Variants in ZWILCH observed in about 807,000 individuals in gnomAD.
ZWILCH encodes the protein protein zwilch homolog.
A neutral mutation model predicts 79.9 loss-of-function variants in ZWILCH; 74 were observed. That is an observed-to-expected ratio of 0.93 (90% CI 0.77 to 1.12). ZWILCH has a LOEUF of 1.12. Among genes scored for constraint, ZWILCH ranks in the 50% most tolerant of loss-of-function variants. The pLI, the probability that ZWILCH is intolerant of heterozygous loss-of-function variation, is 0.00. For missense variants in ZWILCH, 694 were observed against 687.5 expected (o/e 1.01, Z -0.11); for synonymous variants, 241 against 228.2 (o/e 1.06, Z -0.51).
At chr15:66,520,513 G>C in intron 5 of ZWILCH, 77 bp from the exon 6 acceptor site, 1 of 733,748 alleles carries the variant, frequency 1.4e-6, no homozygotes, top group East Asian at 2.7e-5. Context: ...TTGAGAATGT[G>C]AGGGATTACA....
intron 2 of ZWILCH, among the ~76,000 whole-genome samples, chr15:66,509,684 A>C (rs1003224996): frequency 1.3e-5 from 2 of 151,616 alleles, no homozygotes; most frequent in Non-Finnish European, 2.9e-5. Context: ...AACTCTCCAT[A>C]CTTGGGGAGA....
intron 5 of ZWILCH, among the ~76,000 whole-genome samples, chr15:66,520,145 G>A (rs778984338): frequency 1.4e-4 from 21 of 151,782 alleles, no homozygotes; most frequent in Non-Finnish European, 2.8e-4. Flanking sequence ...TTTTGAGGTA[G>A]GATCTTACTC....
chr15:66,549,825 A>T lies in ZWILCH; in HGVS notation c.*1501A>T, dbSNP rs1320427497. ...TTCTGAAAGAATAAAACTTGAATGG[A>T]TAAAATGGATAAAATGTTTATCTTT... is the stretch of plus-strand genomic sequence containing the variant. On this transcript the variant is annotated 3_prime_UTR_variant, in exon 19 of 19. Transcript: ENST00000307897. The T allele has an allele frequency of 2.5e-6, 1 of 396,880 alleles. No individual in the cohort carries two copies. Among genetic ancestry groups the T allele is most frequent in the Non-Finnish European group, 4.5e-6 (1 of 221,532 alleles). The allele number at this position is 396,880 out of a possible 1,614,324, so 24.6% of individuals were successfully genotyped here.
At position 66,521,006 on chromosome 15, in the gene ZWILCH, T is replaced by C. The variant is rs111813036; in HGVS notation, c.592-44T>C. On this transcript the variant is annotated intron_variant, in intron 6 of 18. Transcript: ENST00000307897. ...AATTTGGGTAATGGACTCTTGGCCA[T>C]GTGGAAGCACAGCTAAATGATCTGC... The C allele has an allele frequency of 7.5e-6, 12 of 1,598,172 alleles. No homozygotes were observed. The African/African-American group carries it at 1.3e-4, about 18-fold the overall frequency.
intron 3 of ZWILCH, 68 bp downstream of exon 3, chr15:66,514,151 C>A: frequency 9.4e-7 from 1 of 1,060,616 alleles, no homozygotes. Flanking sequence ...TGGGAATAAT[C>A]TAACGTACAC....
chr15:66,507,592 C>T (rs1419345867), intron 1 of ZWILCH, among the ~76,000 whole-genome samples: 1 of 152,196 alleles, frequency 6.6e-6, no homozygotes, highest in Non-Finnish European at 1.5e-5. Context: ...TCTCTGAGCA[C>T]TTACCACCAT....
At chr15:66,514,161 C>G (rs1359299304) in intron 3 of ZWILCH, 78 bp downstream of exon 3, 1 of 970,756 alleles carries the variant, frequency 1.0e-6, no homozygotes, top group East Asian at 2.6e-5. Context: ...CTAACGTACA[C>G]GTTTTAAAAT....
At chr15:66,537,811 G>A (rs537089080) in intron 16 of ZWILCH, among the ~76,000 whole-genome samples, 1 of 152,080 alleles carries the variant, frequency 6.6e-6, no homozygotes, top group Non-Finnish European at 1.5e-5. Context: ...CCAGAGCTTC[G>A]TCACCTCTGA....
chr15:66,520,664 AGT>A lies in ZWILCH; in HGVS notation c.591+7_591+8del. ...GAAAAGACATCACTTGTCTACTGTAAGTGTTTTGCTTCTACTCATATTATTTT... is the reference window on the plus strand; with the variant it reads ...GAAAAGACATCACTTGTCTACTGTAAGTTTTGCTTCTACTCATATTATTTT... On this transcript the variant is annotated splice_donor_5th_base_variant and intron_variant, in intron 6 of 18. Transcript: ENST00000307897. The A allele has an allele frequency of 1.3e-6, 2 of 1,546,672 alleles. No individual in the cohort carries two copies. The highest frequency in any genetic ancestry group is 1.8e-6 in the Non-Finnish European group (2 of 1,129,602).
chr15:66,524,759 A>G (rs1233585675), intron 8 of ZWILCH, among the ~76,000 whole-genome samples: 4 of 152,018 alleles, frequency 2.6e-5, no homozygotes, highest in African/African-American at 7.2e-5. Flanking sequence ...TTTACTTCCT[A>G]TGAGTAAGTA....
chr15:66,532,969 T>C lies in ZWILCH; in HGVS notation c.1313-16T>C. The C allele has an allele frequency of 3.2e-6, 5 of 1,552,236 alleles. No individual in the cohort carries two copies. Among genetic ancestry groups the C allele is most frequent in the East Asian group, 2.3e-5 (1 of 43,304 alleles). Reference sequence around the variant, plus strand: ...TACCTGAAGTGTTTTTGCATGTATGTGTTTTTTCTTAATAGGTCAGGAACT... The same window carrying C: ...TACCTGAAGTGTTTTTGCATGTATGCGTTTTTTCTTAATAGGTCAGGAACT... On this transcript the variant is annotated splice_polypyrimidine_tract_variant and intron_variant, in intron 13 of 18. Coordinates refer to ENST00000307897, the MANE Select transcript of ZWILCH (RefSeq NM_017975.5).
chr15:66,510,583 A>G (rs1382267895), intron 2 of ZWILCH, among the ~76,000 whole-genome samples: 1 of 152,106 alleles, frequency 6.6e-6, no homozygotes, highest in Non-Finnish European at 1.5e-5. Flanking sequence ...TTGCTGCTTG[A>G]TATCTGTATT....
chr15:66,529,973 A>T (rs1894810120), intron 12 of ZWILCH, among the ~76,000 whole-genome samples: 1 of 152,224 alleles, frequency 6.6e-6, no homozygotes, highest in Non-Finnish European at 1.5e-5. Context: ...GATCCTCACA[A>T]TGTGTCATGG....
chr15:66,540,074 T>G, intron 16 of ZWILCH, 24 bp from the exon 17 acceptor site: 1 of 1,570,934 alleles, frequency 6.4e-7, no homozygotes, highest in Non-Finnish European at 8.7e-7. Context: ...AAATTTTTCT[T>G]TTGTCGTTTT....
At chr15:66,514,836 G>A (rs1479102742) in intron 3 of ZWILCH, among the ~76,000 whole-genome samples, 1 of 152,202 alleles carries the variant, frequency 6.6e-6, no homozygotes, top group African/African-American at 2.4e-5. Flanking sequence ...TGGGCCTAAG[G>A]TTATAGTCCA....
chr15:66,519,639 A>G (rs1183067234), intron 5 of ZWILCH, among the ~76,000 whole-genome samples: 1 of 152,012 alleles, frequency 6.6e-6, no homozygotes, highest in East Asian at 1.9e-4. Flanking sequence ...TATTTTTAAT[A>G]GAGACGGGGT....
At chr15:66,535,581 C>T (rs898659590) in intron 14 of ZWILCH, among the ~76,000 whole-genome samples, 2 of 150,956 alleles carry the variant, frequency 1.3e-5, no homozygotes, top group Non-Finnish European at 1.5e-5. Flanking sequence ...GAGGCTAAGG[C>T]GGGAGAATCA....
chr15:66,542,270 G>A (rs1895214221), intron 17 of ZWILCH, among the ~76,000 whole-genome samples: 1 of 151,708 alleles, frequency 6.6e-6, no homozygotes, highest in African/African-American at 2.4e-5. Context: ...CCAGCACGGT[G>A]AAACACCATC....
At chr15:66,534,094 C>T (rs187171987) in intron 14 of ZWILCH, among the ~76,000 whole-genome samples, 10 of 152,224 alleles carry the variant, frequency 6.6e-5, no homozygotes, top group Admixed American at 5.9e-4. Context: ...GCACTCCAGC[C>T]TTGGTGACAG....
Sources: gnomAD v4.1 joint callset for allele counts (sites outside exome capture counted in the v4.1 genomes callset) on GRCh38, gnomAD v4.1.1 for gene constraint, MANE v1.5 for transcripts, NCBI Gene and HGNC (gene_info 2026-07-23, HGNC 2026-07-21) for gene names.